The following TAF8 variants were observed in gnomAD, a reference collection of about 807,000 sequenced individuals.
TAF8 encodes the protein TATA-box binding protein associated factor 8.
A neutral mutation model predicts 36.5 loss-of-function variants in TAF8; 47 were observed. The ratio of observed to expected loss-of-function variants is 1.29; its 90% CI spans 1.02 to 1.64. The LOEUF is 1.64. TAF8 is among the 40% of genes most tolerant of loss of function. The pLI, the probability that TAF8 is intolerant of heterozygous loss-of-function variation, is 0.00. For missense variants in TAF8, 420 were observed against 407.6 expected (o/e 1.03, Z -0.26); for synonymous variants, 175 against 159.5 (o/e 1.10, Z -0.73).
At position 42,065,538 on chromosome 6, in the gene TAF8, A is replaced by G. The variant is rs76656156; in HGVS notation, c.490-774A>G. ...TTCTTTGAGGGAATCTTTTTGGAAC[A>G]ATGTATCCATATTGTGAGGATTGAT... is the stretch of plus-strand genomic sequence containing the variant. On this transcript the variant is annotated intron_variant, in intron 5 of 8. Transcript: ENST00000372977. Among the ~76,000 whole-genome samples, 1,126 of 152,236 alleles carry G rather than the reference A, an allele frequency of 7.4e-3. 13 individuals are homozygous for G. Among genetic ancestry groups the G allele is most frequent in the African/African-American group, 0.026 (1,065 of 41,546 alleles).
chr6:42,061,978 G>A (rs1582224553), intron 5 of TAF8, among the ~76,000 whole-genome samples: 1 of 152,102 alleles, frequency 6.6e-6, no homozygotes, highest in Non-Finnish European at 1.5e-5. Context: ...TCTGTTAGAG[G>A]AGACTTAGCT....
chr6:42,074,419 A>G (rs1385572477), intron 7 of TAF8, among the ~76,000 whole-genome samples: 1 of 152,166 alleles, frequency 6.6e-6, no homozygotes, highest in Non-Finnish European at 1.5e-5. Context: ...GGGAGACTGG[A>G]TGCAGTCACC....
At position 42,057,399 on chromosome 6, in the gene TAF8, C is replaced by G; in HGVS notation, c.375C>G (p.Thr125=). The change falls in exon 5 of 9, where the codon ACC becomes ACG. Residue 125 remains threonine, a synonymous_variant. Coordinates refer to ENST00000372977, the MANE Select transcript of TAF8 (RefSeq NM_138572.3). The part of the protein sequence containing the change: ...QRMVITAPPV[T]NQPVTPKALT... Reference sequence around the variant, plus strand: ...GTGACTCTGTTGCAGCTCCGGTGACCAATCAGCCAGTGACCCCCAAGGCCC... The same window carrying G: ...GTGACTCTGTTGCAGCTCCGGTGACGAATCAGCCAGTGACCCCCAAGGCCC... 6.2e-7 allele frequency: 1 copy of G among 1,613,996 alleles called. No homozygotes were observed.
At chr6:42,084,210 C>G (rs888742006), downstream of TAF8, among the ~76,000 whole-genome samples, 1 of 150,788 alleles carries the variant, frequency 6.6e-6, no homozygotes, top group Non-Finnish European at 1.5e-5. Context: ...AAGATGGACC[C>G]TAAGGGCCTC....
Position 42,080,120 on chromosome 6 carries a change from T to A in TAF8, c.*2575T>A, listed in dbSNP as rs754286025. On this transcript the variant is annotated 3_prime_UTR_variant, in exon 9 of 9. Coordinates refer to ENST00000372977, the MANE Select transcript of TAF8 (RefSeq NM_138572.3). ...ATGTGGCCTTCTCAGGGTTTGTGAT[T>A]CAGTTCTTAGCGATTCTTGGCCTGA... The A allele has an allele frequency of 1.1e-4, 111 of 985,306 alleles. No homozygotes were observed. Among genetic ancestry groups the A allele is most frequent in the Non-Finnish European group, 3.0e-5 (25 of 829,942 alleles). 61.0% of individuals were successfully genotyped at this position (985,306 alleles called of 1,614,324 possible).
intron 2 of TAF8, among the ~76,000 whole-genome samples, chr6:42,052,703 A>G (rs865821707): frequency 1.3e-5 from 2 of 152,174 alleles, no homozygotes; most frequent in Non-Finnish European, 1.5e-5. Context: ...CATGTACAAC[A>G]TATTTCCCTG....
chr6:42,086,027 G>A (rs754387360), downstream of TAF8, among the ~76,000 whole-genome samples: 3 of 152,090 alleles, frequency 2.0e-5, no homozygotes, highest in Non-Finnish European at 4.4e-5. Context: ...ACCATGTGAG[G>A]ACACAGTGAG....
intron 5 of TAF8, among the ~76,000 whole-genome samples, chr6:42,059,967 C>A (rs1177428371): frequency 6.6e-6 from 1 of 152,124 alleles, no homozygotes; most frequent in Non-Finnish European, 1.5e-5. Context: ...TGGGAGTGAA[C>A]CCGAAGGTGA....
At chr6:42,064,756 G>C (rs1765300612) in intron 5 of TAF8, among the ~76,000 whole-genome samples, 2 of 151,498 alleles carry the variant, frequency 1.3e-5, no homozygotes, top group South Asian at 2.1e-4. Context: ...AGGAGATCGA[G>C]ACCATCCTGG....
rs1173558183 is a variant in TAF8, at chr6:42,078,724, G to C, written c.*1179G>C. The C allele has an allele frequency of 4.1e-6, 4 of 985,330 alleles. No individual in the cohort carries two copies. The highest frequency in any genetic ancestry group is 4.8e-6 in the Non-Finnish European group (4 of 829,946). 61.0% of individuals were successfully genotyped at this position (985,330 alleles called of 1,614,324 possible). ...TGTGAGGAATGTGTGCTTGGGAACT[G>C]CCAAGTCTTACCCCTTCTGGAAGAA... On this transcript the variant is annotated 3_prime_UTR_variant, in exon 9 of 9. Transcript: ENST00000372977.
At chr6:42,068,444 G>A (rs376671978) in intron 6 of TAF8, 21 bp from the exon 7 acceptor site, 79 of 1,613,360 alleles carry the variant, frequency 4.9e-5, no homozygotes, top group Non-Finnish European at 6.0e-5. Flanking sequence ...GTGGACTCAT[G>A]CCTCTCTTCC....
downstream of TAF8, among the ~76,000 whole-genome samples, chr6:42,086,200 C>T (rs1432042331): frequency 6.6e-6 from 1 of 152,200 alleles, no homozygotes; most frequent in Non-Finnish European, 1.5e-5. Flanking sequence ...GCCAAATGCT[C>T]TCCATAGAGG....
In TAF8 at chr6:42,051,454, C is replaced by G; in HGVS notation, c.143C>G (p.Ala48Gly). ...QVVVSSLLTE[A>G]GFESAEKASV... is the part of the protein sequence containing the mutation. Reference sequence around the variant, plus strand: ...GTTGTGAGCTCCTTGCTGACAGAGGCAGGGTTTGAGAGTGCCGAGAAAGCA... The same window carrying G: ...GTTGTGAGCTCCTTGCTGACAGAGGGAGGGTTTGAGAGTGCCGAGAAAGCA... The change falls in exon 2 of 9, where the codon GCA becomes GGA. Residue 48 changes from alanine (A) to glycine (G), a missense_variant. Ala to Gly is a moderately conservative substitution (Grantham distance 60). Transcript: ENST00000372977. 1.2e-6 allele frequency: 2 copies of G among 1,614,070 alleles called. No individual in the cohort carries two copies. The highest frequency in any genetic ancestry group is 1.7e-6 in the Non-Finnish European group (2 of 1,180,010).
rs530588490 is a variant in TAF8 at position 42,077,593 on chromosome 6, C to T, written c.*48C>T. ...TACAGGGGCGCAGATTCCACCCTCC[C>T]GGGGAGTTAAAGCCACTCAAGGGAA... On this transcript the variant is annotated 3_prime_UTR_variant, in exon 9 of 9. Transcript: ENST00000372977. The T allele has an allele frequency of 9.3e-6, 15 of 1,607,240 alleles. No individual in the cohort carries two copies. Among genetic ancestry groups the T allele is most frequent in the Middle Eastern group, 1.7e-4 (1 of 6,044 alleles).
chr6:42,070,016 T>G (rs946785261), intron 7 of TAF8, among the ~76,000 whole-genome samples: 1 of 152,104 alleles, frequency 6.6e-6, no homozygotes, highest in African/African-American at 2.4e-5. Context: ...CCATTAGATC[T>G]GGCAGTGTGG....
rs1251392796 is a variant in TAF8 at position 42,080,466 on chromosome 6, G to A, written c.*2921G>A. 1 of 621,736 alleles carries A rather than the reference G, an allele frequency of 1.6e-6. No individual in the cohort carries two copies. The highest frequency in any genetic ancestry group is 2.0e-5 in the African/African-American group (1 of 49,308). The allele number at this position is 621,736 out of a possible 1,614,324, so 38.5% of individuals were successfully genotyped here. Reference sequence around the variant, plus strand: ...CGGCTCACTGCAACCTCCACCTCCTGGGTTCAAGGGATTCTCCTGCCTCAG... The same window carrying A: ...CGGCTCACTGCAACCTCCACCTCCTAGGTTCAAGGGATTCTCCTGCCTCAG... On this transcript the variant is annotated 3_prime_UTR_variant, in exon 9 of 9. Transcript: ENST00000372977.
At chr6:42,054,399 A>G (rs1013930981) in intron 2 of TAF8, among the ~76,000 whole-genome samples, 18 of 152,304 alleles carry the variant, frequency 1.2e-4, no homozygotes, top group South Asian at 8.3e-4. Context: ...TACATTCACA[A>G]TGTTGTGCAG....
At chr6:42,055,871 C>A in intron 3 of TAF8, 81 bp from the exon 4 acceptor site, 1 of 993,056 alleles carries the variant, frequency 1.0e-6, no homozygotes, top group Non-Finnish European at 1.6e-6. Flanking sequence ...GAGTTTAAGC[C>A]ATTTGTCCAT....
At chr6:42,083,930 C>T (rs539799671), downstream of TAF8, among the ~76,000 whole-genome samples, 3 of 152,016 alleles carry the variant, frequency 2.0e-5, no homozygotes, top group East Asian at 5.9e-4. Context: ...GCCTGTAATC[C>T]CAGCACTTTG....
Sources: allele counts gnomAD v4.1 joint callset (sites outside exome capture counted in the v4.1 genomes callset), GRCh38; gene constraint gnomAD v4.1.1; transcripts MANE v1.5; gene names NCBI Gene and HGNC (gene_info 2026-07-23, HGNC 2026-07-21).